Variants in NUP210 observed in about 807,000 individuals in gnomAD.
NUP210 encodes the protein nucleoporin 210, also known as nuclear pore membrane glycoprotein 210.
A neutral mutation model predicts 196.0 loss-of-function variants in NUP210; 151 were observed. The ratio of observed to expected loss-of-function variants is 0.77; its 90% CI spans 0.67 to 0.88. NUP210 has a LOEUF of 0.88. Among genes scored for constraint, NUP210 ranks in the 40% least tolerant of loss-of-function variants. The pLI, the probability that NUP210 is intolerant of heterozygous loss-of-function variation, is 0.00. For synonymous variants in NUP210, 1,070 were observed against 1,052.7 expected (o/e 1.02, Z -0.32); for missense variants, 2,314 against 2,493.7 (o/e 0.93, Z 1.53).
rs555264998 is a variant in NUP210, at chr3:13,336,438, A to C, written c.3684+349T>G. Among the ~76,000 whole-genome samples the C allele has an allele frequency of 2.0e-5, 3 of 152,278 alleles. No homozygotes were observed. The East Asian group carries it at 5.8e-4, about 29-fold the overall frequency. ...GAAGCCAGGGCCCCTCGCTGGGCTAAGGGAAGGGGAATTTGGCCTCTGGGA... is the reference window on the plus strand; with the variant it reads ...GAAGCCAGGGCCCCTCGCTGGGCTACGGGAAGGGGAATTTGGCCTCTGGGA... On this transcript the variant is annotated intron_variant, in intron 27 of 39. Coordinates refer to ENST00000254508, the MANE Select transcript of NUP210 (RefSeq NM_024923.4).
intron 32 of NUP210, among the ~76,000 whole-genome samples, chr3:13,326,874 G>A (rs932389567): frequency 6.6e-6 from 1 of 152,262 alleles, no homozygotes; most frequent in African/African-American, 2.4e-5. Flanking sequence ...TCCAGAAAAG[G>A]GCTGGCAAAT....
chr3:13,405,789 C>T (rs957119188), intron 1 of NUP210, among the ~76,000 whole-genome samples: 9 of 152,188 alleles, frequency 5.9e-5, no homozygotes, highest in African/African-American at 7.2e-5. Context: ...AGCCACACAG[C>T]TGTCAGCAGC....
intron 32 of NUP210, among the ~76,000 whole-genome samples, chr3:13,326,462 A>T (rs1023646308): frequency 5.3e-5 from 8 of 152,214 alleles, no homozygotes; most frequent in African/African-American, 1.9e-4. Flanking sequence ...CTCAACCATA[A>T]TCTATTTATG....
chr3:13,331,196 A>G (rs2124843915), intron 29 of NUP210, among the ~76,000 whole-genome samples: 1 of 152,284 alleles, frequency 6.6e-6, no homozygotes, highest in East Asian at 1.9e-4. Context: ...CAGGATAAAA[A>G]CAGACTACCC....
intron 1 of NUP210, among the ~76,000 whole-genome samples, chr3:13,419,200 T>A (rs1050769526): frequency 1.3e-5 from 2 of 151,982 alleles, no homozygotes; most frequent in Non-Finnish European, 2.9e-5. Context: ...ATCCTGGGGG[T>A]GGGAAGGGCG....
intron 32 of NUP210, 59 bp from the exon 33 acceptor site, chr3:13,325,990 C>G: frequency 1.3e-6 from 2 of 1,591,688 alleles, no homozygotes. Context: ...CAGTCAAAGC[C>G]CAGCTCACCT....
intron 39 of NUP210, 63 bp downstream of exon 39, chr3:13,319,009 C>T (rs1289917392): frequency 6.8e-6 from 10 of 1,477,078 alleles, no homozygotes; most frequent in South Asian, 1.3e-5. Context: ...CTCGACCCCT[C>T]CCCCAGGGCT....
rs1018338382 is a variant in NUP210, at chr3:13,319,794, A to G, written c.5352T>C (p.Ala1784=). The part of the protein sequence containing the change: ...NQAIAIPVTV[A]FVVDRRGPGP... ...CGGGCCCACGGCGATCCACCACAAA[A>G]GCCACTGTCACTGGGATGGCAATGG... The change falls in exon 37 of 40, where the codon GCT becomes GCC. Residue 1784 remains alanine, a synonymous_variant. Coordinates refer to ENST00000254508, the MANE Select transcript of NUP210 (RefSeq NM_024923.4). 3 of 1,614,112 alleles carry G rather than the reference A, an allele frequency of 1.9e-6. No homozygotes were observed. In the Admixed American group the frequency reaches 5.0e-5, roughly 27 times the overall value.
rs1201501191 is a variant in NUP210, at chr3:13,342,117, T to A, written c.2971A>T (p.Ile991Phe). The change falls in exon 22 of 40, where the codon ATT (isoleucine) becomes TTT (phenylalanine). Residue 991 changes from isoleucine (I) to phenylalanine (F), a missense_variant. By Grantham distance (21) the Ile-to-Phe change is conservative. Coordinates refer to ENST00000254508, the MANE Select transcript of NUP210 (RefSeq NM_024923.4). ...LYIRVVDKVE[I>F]GKTVKAYVRV... ...ACGTATGCCTTCACTGTCTTCCCAA[T>A]CTCCACCTGCATCATGGGGACAGAG... 1 of 1,613,986 alleles carries A rather than the reference T, an allele frequency of 6.2e-7. No homozygotes were observed. The highest frequency in any genetic ancestry group is 1.7e-5 in the Admixed American group (1 of 60,010).
intron 2 of NUP210, among the ~76,000 whole-genome samples, chr3:13,398,203 G>T (rs1049203575): frequency 6.6e-5 from 10 of 152,222 alleles, no homozygotes; most frequent in Admixed American, 1.3e-4. Context: ...ACTTTGGGAA[G>T]CCAAGGCAGG....
chr3:13,322,885 T>C (rs1285042568), intron 34 of NUP210, among the ~76,000 whole-genome samples: 1 of 152,226 alleles, frequency 6.6e-6, no homozygotes, highest in Admixed American at 6.5e-5. Context: ...TTCTGGCAGC[T>C]GCTGTTCAGG....
chr3:13,412,465 G>C (rs2124964484), intron 1 of NUP210, among the ~76,000 whole-genome samples: 1 of 152,094 alleles, frequency 6.6e-6, no homozygotes, highest in South Asian at 2.1e-4. Context: ...TGTAATCCCA[G>C]CACTTTGGGA....
rs1055752431 is a variant in NUP210, at chr3:13,334,422, C to CGT, written c.3843+1030_3843+1031dup. Among the ~76,000 whole-genome samples, 5 of 151,618 alleles carry CGT rather than the reference C, an allele frequency of 3.3e-5. No individual in the cohort carries two copies. In the South Asian group the frequency reaches 8.3e-4, roughly 25 times the overall value. On this transcript the variant is annotated intron_variant, in intron 28 of 39. Transcript: ENST00000254508. ...TGTGTGTCTGTGTGTGCATGTGTGTCGTGTGTGTGTGCATGTGCAGGCAGG... is the reference window on the plus strand; with the variant it reads ...TGTGTGTCTGTGTGTGCATGTGTGTCGTGTGTGTGTGTGCATGTGCAGGCAGG...
intron 4 of NUP210, 128 bp from the exon 5 acceptor site, chr3:13,388,581 A>G (rs1699362867): frequency 2.0e-6 from 2 of 981,948 alleles, no homozygotes; most frequent in Non-Finnish European, 1.4e-6. Flanking sequence ...GTGTCCCCCT[A>G]GTCAGGGCTG....
chr3:13,335,637 CA>C, intron 27 of NUP210, 25 bp from the exon 28 acceptor site: 2 of 1,612,110 alleles, frequency 1.2e-6, no homozygotes, highest in Non-Finnish European at 1.7e-6. Context: ...AACACGTTTT[CA>C]GGGGTAAGGC....
At chr3:13,370,098 C>G (rs1698678083) in intron 13 of NUP210, among the ~76,000 whole-genome samples, 1 of 152,180 alleles carries the variant, frequency 6.6e-6, no homozygotes, top group Non-Finnish European at 1.5e-5. Flanking sequence ...CCAACCTGCT[C>G]TTGAGCCCCA....
intron 5 of NUP210, among the ~76,000 whole-genome samples, chr3:13,386,942 C>T (rs1198067735): frequency 2.0e-5 from 3 of 152,230 alleles, no homozygotes; most frequent in Non-Finnish European, 4.4e-5. Flanking sequence ...GGAGAAAGAT[C>T]ACTAGGTGCC....
chr3:13,347,313 G>A lies in NUP210; in HGVS notation c.2836-4010C>T. The A allele has an allele frequency of 2.0e-6, 2 of 985,432 alleles. No homozygotes were observed. Among genetic ancestry groups the A allele is most frequent in the Non-Finnish European group, 2.4e-6 (2 of 829,926 alleles). 61.0% of individuals were successfully genotyped at this position (985,432 alleles called of 1,614,324 possible). ...TGCACGAGTTAATGGGAAATGTAAA[G>A]TGCCCAGCAGGCTCCTTCCCCTGCT... On this transcript the variant is annotated intron_variant, in intron 20 of 39. Transcript: ENST00000254508. The surrounding 1 kb of genome is among the most constrained non-coding windows in gnomAD (Gnocchi z 4.7).
Position 13,376,353 on chromosome 3 carries a change from T to A in NUP210, c.1231A>T (p.Ile411Phe), listed in dbSNP as rs1698907486. 1.2e-6 allele frequency: 2 copies of A among 1,609,220 alleles called. No homozygotes were observed. Among genetic ancestry groups the A allele is most frequent in the Non-Finnish European group, 1.7e-6 (2 of 1,175,476 alleles). ...GTCTGTCCCCTCTTTAGTGCCCTGA[T>A]GCGATGGTATGACCCATTCTGGGAG... ...SSSQNGSYHR[I>F]RALKRGQTAI... The change falls in exon 10 of 40, where the codon ATC becomes TTC. Residue 411 changes from isoleucine (I) to phenylalanine (F), a missense_variant. Physicochemically the swap from Ile to Phe is conservative, Grantham distance 21. Transcript: ENST00000254508.
Sources: allele counts gnomAD v4.1 joint callset (sites outside exome capture counted in the v4.1 genomes callset), GRCh38; gene constraint gnomAD v4.1.1; non-coding constraint Gnocchi (gnomAD v3.1); transcripts MANE v1.5; gene names NCBI Gene and HGNC (gene_info 2026-07-23, HGNC 2026-07-21).